SLC41A2: variants seen among roughly 807,000 people sequenced by gnomAD.
SLC41A2 encodes the protein SLC41A1-like 1.
SLC41A2 carries 32 observed loss-of-function variants against 58.3 expected under a neutral mutation model. The observed-to-expected ratio is 0.55, with a 90% CI of 0.41 to 0.74. The LOEUF (loss-of-function observed/expected upper bound fraction) is 0.74. Ranked by LOEUF, SLC41A2 falls within the 30% of genes least tolerant of loss-of-function variation. The pLI is 0.00. For missense variants in SLC41A2, 514 were observed against 680.6 expected, an observed-to-expected ratio of 0.76 and a Z score of 2.72; for synonymous variants, 190 against 235.0, an observed-to-expected ratio of 0.81 and a Z score of 1.75.
At chr12:104,908,638 C>A (rs2045952430) in intron 3 of SLC41A2, among the ~76,000 whole-genome samples, 1 of 152,198 alleles carries the variant, frequency 6.6e-6, no homozygotes. Context: ...TTGAAGTGAA[C>A]CTCACTAGCT....
chr12:104,946,902 T>C lies in SLC41A2; in HGVS notation c.-168+11186A>G, dbSNP rs80289986. On this transcript the variant is annotated intron_variant, in intron 1 of 10. Transcript: ENST00000258538. Reference sequence around the variant, plus strand: ...GTCAAACTGGCTTACATCCTGACTTTCACTAACTGTGGGACCTATGCCTCT... The same window carrying C: ...GTCAAACTGGCTTACATCCTGACTTCCACTAACTGTGGGACCTATGCCTCT... Among the ~76,000 whole-genome samples the C allele has an allele frequency of 3.4e-3, 524 of 152,334 alleles. 7 individuals carry two copies. Among genetic ancestry groups the C allele is most frequent in the African/African-American group, 0.012 (489 of 41,578 alleles).
intron 3 of SLC41A2, among the ~76,000 whole-genome samples, chr12:104,897,556 T>C (rs190393703): frequency 3.9e-5 from 6 of 152,250 alleles, no homozygotes; most frequent in Admixed American, 2.0e-4. Flanking sequence ...CCCTTTCTAA[T>C]CTAGAAGTCT....
intron 10 of SLC41A2, among the ~76,000 whole-genome samples, chr12:104,817,245 T>C (rs950389972): frequency 2.0e-5 from 3 of 152,194 alleles, no homozygotes; most frequent in Admixed American, 6.5e-5. Flanking sequence ...ACACTTACCA[T>C]GTAGGGCACT....
chr12:104,863,346 G>T (rs1215395036), intron 7 of SLC41A2, among the ~76,000 whole-genome samples: 2 of 152,062 alleles, frequency 1.3e-5, no homozygotes, highest in African/African-American at 2.4e-5. Flanking sequence ...GAGGCAGGAG[G>T]GTTGTTTGAG....
chr12:104,884,804 TG>T (rs1791413847), intron 6 of SLC41A2, among the ~76,000 whole-genome samples: 1 of 152,204 alleles, frequency 6.6e-6, no homozygotes, highest in African/African-American at 2.4e-5. Context: ...GCTTATTCTA[TG>T]GGGTCAGGAC....
At chr12:104,897,485 T>G (rs896439090) in intron 3 of SLC41A2, among the ~76,000 whole-genome samples, 2 of 151,982 alleles carry the variant, frequency 1.3e-5, no homozygotes, top group African/African-American at 2.4e-5. Context: ...TTTCATGATC[T>G]CTAGGGTGGT....
Position 104,940,934 on chromosome 12 carries a change from CAAAAAAAAAA to C in SLC41A2, c.-167-12250_-167-12241del, listed in dbSNP as rs386377636. Among the ~76,000 whole-genome samples the C allele has an allele frequency of 9.0e-3, 857 of 95,534 alleles. 18 individuals carry two copies. Among genetic ancestry groups the C allele is most frequent in the African/African-American group, 0.033 (805 of 24,470 alleles). 62.7% of individuals were successfully genotyped at this position (95,534 alleles called of 152,430 possible). On this transcript the variant is annotated intron_variant, in intron 1 of 10. Coordinates refer to ENST00000258538, the MANE Select transcript of SLC41A2 (RefSeq NM_001352171.3). Reference sequence around the variant, plus strand: ...CGAGTGACAGAGCAAGACTCTGCCTCAAAAAAAAAAAAAAAAAAAAAGTTAGCTCCGAAGA... The same window carrying C: ...CGAGTGACAGAGCAAGACTCTGCCTCAAAAAAAAAAAGTTAGCTCCGAAGA...
intron 1 of SLC41A2, among the ~76,000 whole-genome samples, chr12:104,939,643 C>T (rs1033095626): frequency 2.6e-5 from 4 of 152,304 alleles, no homozygotes; most frequent in South Asian, 4.1e-4. Context: ...AATAACAATG[C>T]TTAGGAAATC....
intron 7 of SLC41A2, 96 bp downstream of exon 7, chr12:104,866,336 C>T (rs1294612229): frequency 4.5e-6 from 6 of 1,328,986 alleles, no homozygotes; most frequent in African/African-American, 3.0e-5. Flanking sequence ...TTTTAATATG[C>T]ATGTACATAT....
intron 10 of SLC41A2, among the ~76,000 whole-genome samples, chr12:104,820,202 A>G (rs2041571733): frequency 6.6e-6 from 1 of 152,236 alleles, no homozygotes; most frequent in Non-Finnish European, 1.5e-5. Context: ...ATGGTGGGTC[A>G]TCCCTGTAAT....
intron 1 of SLC41A2, among the ~76,000 whole-genome samples, chr12:104,941,249 T>C (rs1257671891): frequency 6.6e-6 from 1 of 152,182 alleles, no homozygotes; most frequent in Admixed American, 6.5e-5. Context: ...GCTGATTCCA[T>C]AAAACAATTG....
upstream of SLC41A2, chr12:104,958,386 GCCC>G (rs2048258043): frequency 6.7e-6 from 1 of 149,962 alleles, no homozygotes; most frequent in Non-Finnish European, 1.5e-5. Context: ...CGCCGGGGAA[GCCC>G]GGGCCTTGGT....
chr12:104,806,838 T>C (rs1013685746), intron 10 of SLC41A2, among the ~76,000 whole-genome samples: 1 of 152,130 alleles, frequency 6.6e-6, no homozygotes, highest in Non-Finnish European at 1.5e-5. Flanking sequence ...TTTTTTCATG[T>C]GTCTTTTGGC....
At chr12:104,809,286 G>A (rs2041066027) in intron 10 of SLC41A2, among the ~76,000 whole-genome samples, 2 of 152,254 alleles carry the variant, frequency 1.3e-5, no homozygotes, top group Admixed American at 1.3e-4. Context: ...TCTAGGCCAA[G>A]AGACCTTTCA....
intron 2 of SLC41A2, among the ~76,000 whole-genome samples, chr12:104,910,841 G>T (rs1484828542): frequency 6.6e-6 from 1 of 152,196 alleles, no homozygotes; most frequent in Non-Finnish European, 1.5e-5. Context: ...GCCCTGCAAA[G>T]CTGTCTCTTG....
chr12:104,840,128 A>C (rs1054330397), intron 10 of SLC41A2, among the ~76,000 whole-genome samples: 5 of 152,078 alleles, frequency 3.3e-5, no homozygotes, highest in African/African-American at 1.2e-4. Context: ...TGAAGATGAC[A>C]GTAAGATTCC....
At chr12:104,826,091 T>C (rs906633259) in intron 10 of SLC41A2, among the ~76,000 whole-genome samples, 5 of 152,120 alleles carry the variant, frequency 3.3e-5, no homozygotes, top group Non-Finnish European at 7.4e-5. Context: ...GGAAGGGAAA[T>C]GAGGGAAGCC....
intron 6 of SLC41A2, among the ~76,000 whole-genome samples, chr12:104,877,295 G>GC (rs1198944231): frequency 1.3e-5 from 2 of 152,084 alleles, no homozygotes. Flanking sequence ...ATCTTAGGAG[G>GC]CCCCCTAGTG....
At chr12:104,925,366 G>A (rs1317592524) in intron 2 of SLC41A2, among the ~76,000 whole-genome samples, 1 of 152,006 alleles carries the variant, frequency 6.6e-6, no homozygotes, top group African/African-American at 2.4e-5. Flanking sequence ...AGACCATCCT[G>A]GCTAACATGG....
Sources: gnomAD v4.1 joint callset for allele counts (sites outside exome capture counted in the v4.1 genomes callset) on GRCh38, gnomAD v4.1.1 for gene constraint, MANE v1.5 for transcripts, NCBI Gene and HGNC (gene_info 2026-07-23, HGNC 2026-07-21) for gene names.